ABCB9: variants seen among roughly 807,000 people sequenced by gnomAD.
ABCB9 encodes the protein ATP binding cassette subfamily B member 9, also known as ABC-type oligopeptide transporter ABCB9.
ABCB9 carries 36 observed loss-of-function variants against 62.0 expected under a neutral mutation model. The ratio of observed to expected loss-of-function variants is 0.58; its 90% CI spans 0.45 to 0.77. The LOEUF (loss-of-function observed/expected upper bound fraction) is 0.77, where lower values mean the gene tolerates loss of function less well. Ranked by LOEUF, ABCB9 falls within the 30% of genes least tolerant of loss-of-function variation. The probability of loss-of-function intolerance (pLI) is 0.00; values close to 1 mark genes in which losing one functional copy is unlikely to be tolerated. For synonymous variants in ABCB9, 435 were observed against 461.4 expected (o/e 0.94, Z 0.73); for missense variants, 943 against 1,054.7 (o/e 0.89, Z 1.47).
intron 6 of ABCB9, among the ~76,000 whole-genome samples, chr12:122,945,146 C>G (rs908411219): frequency 3.3e-5 from 5 of 152,228 alleles, no homozygotes; most frequent in African/African-American, 9.6e-5. Flanking sequence ...CTAAGAGGCT[C>G]AGCTAGCTGA....
downstream of ABCB9, among the ~76,000 whole-genome samples, chr12:122,919,470 G>GAGC (rs2034695710): frequency 6.6e-6 from 1 of 151,940 alleles, no homozygotes; most frequent in African/African-American, 2.4e-5. Context: ...CTGTGCCCAG[G>GAGC]TCCATGTTGA....
chr12:122,948,725 C>T lies in ABCB9; in HGVS notation c.952G>A (p.Val318Met), dbSNP rs769757797. ...LRNTVKVTGV[V>M]VFMFSLSWQL... ...CATGAGAGGCTGAACATGAAGACCA[C>T]CACGCCCGTGACCTTGACTGTGTTC... Residue 318 changes from valine (V) to methionine (M), a missense_variant, in exon 5 of 12, where the codon GTG (valine) becomes ATG (methionine). Transcript: ENST00000280560. 18 of 1,614,036 alleles carry T rather than the reference C, an allele frequency of 1.1e-5. No individual in the cohort carries two copies. Among genetic ancestry groups the T allele is most frequent in the Non-Finnish European group, 1.5e-5 (18 of 1,179,940 alleles).
exon 1 of ABCB9, chr12:122,975,106 A>G (rs1032168518): frequency 7.8e-6 from 4 of 510,314 alleles, no homozygotes; most frequent in Non-Finnish European, 1.4e-5. Flanking sequence ...TTCTCCGCAG[A>G]CCGTTTCCTG....
chr12:122,954,189 C>G (rs1402373092), intron 2 of ABCB9, among the ~76,000 whole-genome samples: 5 of 151,452 alleles, frequency 3.3e-5, no homozygotes, highest in Non-Finnish European at 7.4e-5. Flanking sequence ...AAAAAAAGGA[C>G]TCCATTTGTT....
In ABCB9 at chr12:122,940,788, C is replaced by A. The variant is rs2035713624; in HGVS notation, c.1569+19G>T. The A allele has an allele frequency of 3.2e-6, 5 of 1,551,878 alleles. No homozygotes were observed. Among genetic ancestry groups the A allele is most frequent in the Non-Finnish European group, 4.4e-6 (5 of 1,140,900 alleles). Reference sequence around the variant, plus strand: ...TGACGGAAAGGCTGATTCTGGCAGGCCTCAAGCCGCGCCCTCACCTGCAGG... The same window carrying A: ...TGACGGAAAGGCTGATTCTGGCAGGACTCAAGCCGCGCCCTCACCTGCAGG... On this transcript the variant is annotated intron_variant, in intron 8 of 11. Coordinates refer to ENST00000280560, the MANE Select transcript of ABCB9 (RefSeq NM_019625.4). This position sits in a 1 kb window ranked among gnomAD's most constrained non-coding sequence, Gnocchi z 4.8.
Position 122,932,133 on chromosome 12 carries a change from G to A in ABCB9, c.2040+59C>T, listed in dbSNP as rs1337123883. The stretch of plus-strand genomic sequence containing the variant: ...TCAGCATCCATCTGCTGGGCGATGG[G>A]GGCTCTGGCCACCTGGAGCCGCTCC... On this transcript the variant is annotated intron_variant, in intron 11 of 11. Coordinates refer to ENST00000280560, the MANE Select transcript of ABCB9 (RefSeq NM_019625.4). The surrounding 1 kb of genome is among the most constrained non-coding windows in gnomAD (Gnocchi z 4.7). The A allele has an allele frequency of 6.5e-7, 1 of 1,549,582 alleles. No individual in the cohort carries two copies. The highest frequency in any genetic ancestry group is 8.7e-7 in the Non-Finnish European group (1 of 1,146,966).
At chr12:122,958,410 T>A (rs1331404580) in intron 2 of ABCB9, among the ~76,000 whole-genome samples, 1 of 152,184 alleles carries the variant, frequency 6.6e-6, no homozygotes, top group African/African-American at 2.4e-5. Flanking sequence ...TCTTTTGATG[T>A]GCTTGTAGCT....
At chr12:122,920,750 C>CA (rs60857491), downstream of ABCB9, among the ~76,000 whole-genome samples, 87 of 142,674 alleles carry the variant, frequency 6.1e-4, no homozygotes, top group African/African-American at 6.1e-4. Flanking sequence ...ACAAAAAATA[C>CA]AAAAAAAAAA....
chr12:122,973,621 GGAGGCC>G (rs2037322406), intron 1 of ABCB9, among the ~76,000 whole-genome samples: 1 of 145,904 alleles, frequency 6.9e-6, no homozygotes, highest in South Asian at 2.2e-4. Flanking sequence ...AAAAACTTTG[GGAGGCC>G]GAGGCAGGGG....
In ABCB9 at chr12:122,971,850, C is replaced by G. The variant is rs1037130044; in HGVS notation, c.-88+2865G>C. Among the ~76,000 whole-genome samples, 4 of 151,906 alleles carry G rather than the reference C, an allele frequency of 2.6e-5. No homozygotes were observed. In the East Asian group the frequency reaches 7.7e-4, roughly 29 times the overall value. ...ACTGACCATAACAAATGTACTGGCT[C>G]GTGTGGGATGGTGATGGTGGGGGAG... is the stretch of plus-strand genomic sequence containing the variant. On this transcript the variant is annotated intron_variant, in intron 1 of 11. Transcript: ENST00000392439.
Position 122,930,197 on chromosome 12 carries a change from T to C in ABCB9, c.2041-26A>G. 1 of 1,522,432 alleles carries C rather than the reference T, an allele frequency of 6.6e-7. No homozygotes were observed. Among genetic ancestry groups the C allele is most frequent in the Non-Finnish European group, 8.9e-7 (1 of 1,127,724 alleles). 94.3% of individuals were successfully genotyped at this position (1,522,432 alleles called of 1,614,324 possible). ...CTGCGGGGACAGTGGGGGCCTGGCT[T>C]GCATGGCACGGACGCCCCACCCGCA... On this transcript the variant is annotated intron_variant, in intron 11 of 11. Coordinates refer to ENST00000280560, the MANE Select transcript of ABCB9 (RefSeq NM_019625.4). The surrounding 1 kb of genome is among the most constrained non-coding windows in gnomAD (Gnocchi z 4.9).
chr12:122,966,106 G>T (rs1446863820), intron 1 of ABCB9, among the ~76,000 whole-genome samples, 181 bp downstream of exon 1: 1 of 152,264 alleles, frequency 6.6e-6, no homozygotes, highest in East Asian at 1.9e-4. Flanking sequence ...ATGCTGCAGG[G>T]ATGGGGGCTG....
chr12:122,959,878 A>T lies in ABCB9; in HGVS notation c.358T>A (p.Phe120Ile). 6.2e-7 allele frequency: 1 copy of T among 1,613,574 alleles called. No homozygotes were observed. Among genetic ancestry groups the T allele is most frequent in the South Asian group, 1.1e-5 (1 of 91,084 alleles). Residue 120 changes from phenylalanine (F) to isoleucine (I), a missense_variant, in exon 2 of 12, where the codon TTC becomes ATC. Phe to Ile is a conservative substitution (Grantham distance 21, BLOSUM62 0). Transcript: ENST00000280560. The surrounding 1 kb of genome is among the most constrained non-coding windows in gnomAD (Gnocchi z 5.4). ...PIRDPWFWAL[F>I]VWTYISLGAS... Reference sequence around the variant, plus strand: ...CCGAGTGAAATGTACGTCCACACGAACAGGGCCCAAAACCAGGGGTCCCGG... The same window carrying T: ...CCGAGTGAAATGTACGTCCACACGATCAGGGCCCAAAACCAGGGGTCCCGG...
intron 1 of ABCB9, among the ~76,000 whole-genome samples, chr12:122,961,369 T>G (rs1190882261): frequency 6.6e-6 from 1 of 152,086 alleles, no homozygotes. Context: ...TTTGTATTTT[T>G]TTTAGTAGAG....
chr12:122,929,092 A>G lies in ABCB9; in HGVS notation c.*819T>C. The G allele has an allele frequency of 1.0e-6, 1 of 986,068 alleles. No homozygotes were observed. The highest frequency in any genetic ancestry group is 1.2e-6 in the Non-Finnish European group (1 of 830,104). 61.1% of individuals were successfully genotyped at this position (986,068 alleles called of 1,614,324 possible). A position where few individuals can be genotyped will look rare whatever the true frequency, so the allele number is the denominator to read the frequency against. ...GGGCTTTGCCACCATCCCATCCACC[A>G]AAGACAGAAGAGAATGCATCTCATG... On this transcript the variant is annotated 3_prime_UTR_variant, in exon 12 of 12. Coordinates refer to ENST00000280560, the MANE Select transcript of ABCB9 (RefSeq NM_019625.4). The surrounding 1 kb of genome is among the most constrained non-coding windows in gnomAD (Gnocchi z 6.0).
rs1414983950 is a variant in ABCB9, at chr12:122,964,305, G to A, written c.-88+1982C>T. 6.6e-6 allele frequency among the ~76,000 whole-genome samples: 1 copy of A among 152,086 alleles called. No individual in the cohort carries two copies. Among genetic ancestry groups the A allele is most frequent in the African/African-American group, 2.4e-5 (1 of 41,394 alleles). ...GCCCAGGGTACCAGTCATGCCCCCC[G>A]CCTCCAGAAGCCTATTTATCTTCAT... On this transcript the variant is annotated intron_variant, in intron 1 of 11. Transcript: ENST00000280560. The surrounding 1 kb of genome is among the most constrained non-coding windows in gnomAD (Gnocchi z 4.7).
upstream of ABCB9, among the ~76,000 whole-genome samples, chr12:122,970,393 G>A (rs552160631): frequency 1.5e-3 from 224 of 152,192 alleles, no homozygotes; most frequent in African/African-American, 5.2e-3. Context: ...GATTACAGGC[G>A]CATGCCACCA....
At position 122,960,127 on chromosome 12, in the gene ABCB9, C is replaced by A; in HGVS notation, c.109G>T (p.Asp37Tyr). The change falls in exon 2 of 12, where the codon GAC (aspartate) becomes TAC (tyrosine). Residue 37 changes from aspartate (D) to tyrosine (Y), a missense_variant. Coordinates refer to ENST00000280560, the MANE Select transcript of ABCB9 (RefSeq NM_019625.4). The stretch of plus-strand genomic sequence containing the variant: ...TCAAAGATGTTGAAGTGGCGGATGT[C>A]CTCCAGGAGGCTGCGGTCCAGGTGG... ...FSHLDRSLLE[D>Y]IRHFNIFDSV... 1 of 1,613,714 alleles carries A rather than the reference C, an allele frequency of 6.2e-7. No homozygotes were observed. Among genetic ancestry groups the A allele is most frequent in the Non-Finnish European group, 8.5e-7 (1 of 1,180,038 alleles).
chr12:122,949,735 C>CA (rs2036250730), intron 4 of ABCB9, 53 bp downstream of exon 4: 2 of 1,608,080 alleles, frequency 1.2e-6, no homozygotes, highest in African/African-American at 2.7e-5. Flanking sequence ...CCAGGCAAGC[C>CA]CACAGGGGTG....
Sources: allele counts gnomAD v4.1 joint callset (sites outside exome capture counted in the v4.1 genomes callset), GRCh38; gene constraint gnomAD v4.1.1; non-coding constraint Gnocchi (gnomAD v3.1); transcripts MANE v1.5; gene names NCBI Gene and HGNC (gene_info 2026-07-23, HGNC 2026-07-21).